The following MYO1B variants were observed in gnomAD, a reference collection of about 807,000 sequenced individuals.
MYO1B encodes unconventional myosin-Ib.
MYO1B carries 72 observed loss-of-function variants against 159.7 expected under a neutral mutation model. The observed-to-expected ratio is 0.45, with a 90% CI of 0.37 to 0.55. MYO1B has a LOEUF of 0.55. MYO1B is among the 20% of genes least tolerant of loss of function. MYO1B has a pLI of 0.00. For synonymous variants in MYO1B, 468 were observed against 473.8 expected (o/e 0.99, Z 0.16); for missense variants, 1,062 against 1,364.8 (o/e 0.78, Z 3.50).
At position 191,387,251 on chromosome 2, in the gene MYO1B, G is replaced by A. The variant is rs1361143596; in HGVS notation, c.1582G>A (p.Asp528Asn). 6.2e-7 allele frequency: 1 copy of A among 1,614,098 alleles called. No homozygotes were observed. Among genetic ancestry groups the A allele is most frequent in the Non-Finnish European group, 8.5e-7 (1 of 1,179,966 alleles). ...GCTGTACCAGGTGGAAGGATTCGTT[G>A]ACAAAAACAATGACCTTCTCTATCG... Reference protein sequence around the residue: ...KVLYQVEGFVDKNNDLLYRDL... With the variant: ...KVLYQVEGFVNKNNDLLYRDL... The change falls in exon 17 of 31, where the codon GAC becomes AAC. Residue 528 changes from aspartate (D) to asparagine (N), a missense_variant. This residue lies in a region of MYO1B where 609 missense variants were observed against 744.4 expected (regional missense o/e 0.82). Transcript: ENST00000392318.
chr2:191,248,313 C>T (rs1574253087), intron 1 of MYO1B, among the ~76,000 whole-genome samples: 1 of 152,218 alleles, frequency 6.6e-6, no homozygotes, highest in East Asian at 1.9e-4. Flanking sequence ...TTGCCCCTTA[C>T]ACCGTACAGA....
intron 21 of MYO1B, among the ~76,000 whole-genome samples, chr2:191,399,399 A>T (rs954183985): frequency 1.3e-5 from 2 of 152,226 alleles, no homozygotes; most frequent in African/African-American, 4.8e-5. Flanking sequence ...ACACAGCCAC[A>T]TTCATTTATT....
intron 2 of MYO1B, among the ~76,000 whole-genome samples, chr2:191,278,384 T>C (rs1687868803): frequency 1.3e-5 from 2 of 152,250 alleles, no homozygotes; most frequent in Admixed American, 1.3e-4. Flanking sequence ...CATTGGTGAC[T>C]AGCTTTCAAT....
intron 23 of MYO1B, among the ~76,000 whole-genome samples, chr2:191,401,059 AGTAT>A (rs1177835571): frequency 1.3e-5 from 2 of 152,300 alleles, no homozygotes; most frequent in East Asian, 3.9e-4. Context: ...AAAAGGCACT[AGTAT>A]CATTGCTCTT....
chr2:191,419,663 C>G (rs942454648), intron 30 of MYO1B, among the ~76,000 whole-genome samples: 1 of 151,996 alleles, frequency 6.6e-6, no homozygotes, highest in African/African-American at 2.4e-5. Context: ...GTATTATTAC[C>G]CCTGAAGACT....
intron 15 of MYO1B, among the ~76,000 whole-genome samples, chr2:191,384,096 TTATTGGA>T (rs1441820861): frequency 6.6e-6 from 1 of 152,180 alleles, no homozygotes; most frequent in East Asian, 1.9e-4. Context: ...GTGTGAAAAA[TTATTGGA>T]TAATTTCGAG....
rs1559199972 is a variant in MYO1B at position 191,360,748 on chromosome 2, GTGGTGTTGT to G, written c.661+22_661+30del. The G allele has an allele frequency of 4.5e-6, 5 of 1,122,350 alleles. No homozygotes were observed. In the African/African-American group the frequency reaches 9.5e-5, roughly 21 times the overall value. The allele number at this position is 1,122,350 out of a possible 1,614,324, so 69.5% of individuals were successfully genotyped here. ...CTCCTCAGTAAGTCTCTGTTTCTATGTGGTGTTGTTGTTGTTGTTGTTGTTGTTGTTGTT... is the reference window on the plus strand; with the variant it reads ...CTCCTCAGTAAGTCTCTGTTTCTATGTGTTGTTGTTGTTGTTGTTGTTGTT... On this transcript the variant is annotated intron_variant, in intron 8 of 30. Transcript: ENST00000392318.
intron 21 of MYO1B, among the ~76,000 whole-genome samples, chr2:191,398,841 G>T (rs1399658830): frequency 6.6e-6 from 1 of 151,994 alleles, no homozygotes; most frequent in Admixed American, 6.5e-5. Flanking sequence ...AGGCAGAGAC[G>T]CTCCTCACTT....
rs1197487963 is a variant in MYO1B, at chr2:191,424,016, T to C, written c.*56T>C. 11 of 1,552,316 alleles carry C rather than the reference T, an allele frequency of 7.1e-6. No individual in the cohort carries two copies. In the African/African-American group the frequency reaches 1.5e-4, roughly 21 times the overall value. The stretch of plus-strand genomic sequence containing the variant: ...GTTCCTTTGTAATAGTGCAATTTGG[T>C]TTTGTTTTATTTGGGGTTCATTGTA... On this transcript the variant is annotated 3_prime_UTR_variant, in exon 31 of 31. Transcript: ENST00000392318.
intron 1 of MYO1B, among the ~76,000 whole-genome samples, chr2:191,257,613 T>C (rs1464018200): frequency 6.6e-6 from 1 of 152,214 alleles, no homozygotes; most frequent in African/African-American, 2.4e-5. Context: ...AAATGGACTT[T>C]CCTGCAAAGT....
intron 1 of MYO1B, among the ~76,000 whole-genome samples, chr2:191,252,742 G>A (rs1400836628): frequency 6.6e-6 from 1 of 152,106 alleles, no homozygotes; most frequent in Non-Finnish European, 1.5e-5. Context: ...GGAGATATCC[G>A]TCTCTCCAAA....
In MYO1B at chr2:191,414,673, A is replaced by G; in HGVS notation, c.3159+4A>G. ...CTTCGCCGTCCACCTCAAAGAGGTA[A>G]AGGTTCAACAGAAGATTTCTGTGCT... On this transcript the variant is annotated splice_donor_region_variant and intron_variant, in intron 29 of 30. Coordinates refer to ENST00000392318, the MANE Select transcript of MYO1B (RefSeq NM_001130158.3). 1 of 1,603,418 alleles carries G rather than the reference A, an allele frequency of 6.2e-7. No individual in the cohort carries two copies. Among genetic ancestry groups the G allele is most frequent in the Non-Finnish European group, 8.5e-7 (1 of 1,176,778 alleles).
At chr2:191,302,554 A>G (rs10497714) in intron 3 of MYO1B, among the ~76,000 whole-genome samples, 17,783 of 152,250 alleles carry the variant, frequency 0.12, 1,392 homozygotes, top group Middle Eastern at 0.17. Flanking sequence ...GTATTTGTTC[A>G]GCTTCGATTT....
chr2:191,370,183 T>C, intron 12 of MYO1B, 44 bp from the exon 13 acceptor site: 1 of 1,304,078 alleles, frequency 7.7e-7, no homozygotes. Context: ...TGTAGTGTTA[T>C]ATTTCATGCC....
At chr2:191,400,587 C>G in intron 22 of MYO1B, 119 bp downstream of exon 22, 2 of 1,362,880 alleles carry the variant, frequency 1.5e-6, no homozygotes, top group Non-Finnish European at 2.1e-6. Flanking sequence ...CACGTGTTTG[C>G]TTCTTGCTCT....
chr2:191,364,343 A>G lies in MYO1B; in HGVS notation c.1032+67A>G. The G allele has an allele frequency of 3.1e-6, 4 of 1,309,586 alleles. No individual in the cohort carries two copies. The South Asian group carries it at 4.8e-5, about 16-fold the overall frequency. The allele number at this position is 1,309,586 out of a possible 1,614,324, so 81.1% of individuals were successfully genotyped here. On this transcript the variant is annotated intron_variant, in intron 11 of 30. Transcript: ENST00000392318. Reference sequence around the variant, plus strand: ...CTGTGCTAATTTTCATATAAGTATAAACAAAGATTTTAGTTTACAGGCTGT... The same window carrying G: ...CTGTGCTAATTTTCATATAAGTATAGACAAAGATTTTAGTTTACAGGCTGT...
chr2:191,277,260 G>A (rs13386881), intron 2 of MYO1B, among the ~76,000 whole-genome samples: 8,151 of 152,224 alleles, frequency 0.054, 717 homozygotes, highest in African/African-American at 0.19. Flanking sequence ...ATTGTAGTGG[G>A]TGTTGGGGGC....
At chr2:191,301,030 C>T (rs1457370174) in intron 3 of MYO1B, among the ~76,000 whole-genome samples, 2 of 152,076 alleles carry the variant, frequency 1.3e-5, no homozygotes, top group African/African-American at 4.8e-5. Context: ...CATGGAACTC[C>T]TCAGCTGGAC....
chr2:191,357,793 T>C (rs1470124287), intron 7 of MYO1B, among the ~76,000 whole-genome samples: 1 of 152,226 alleles, frequency 6.6e-6, no homozygotes, highest in Non-Finnish European at 1.5e-5. Flanking sequence ...TGGTATGGCT[T>C]CAAGCTGTTA....
Sources: allele counts gnomAD v4.1 joint callset (sites outside exome capture counted in the v4.1 genomes callset), GRCh38; gene constraint gnomAD v4.1.1; regional missense constraint gnomAD v4.1.1; transcripts MANE v1.5; gene names NCBI Gene and HGNC (gene_info 2026-07-23, HGNC 2026-07-21).